Variants in CASK observed in about 807,000 individuals in gnomAD.
CASK encodes calcium/calmodulin dependent serine protein kinase.
A neutral mutation model predicts 82.9 loss-of-function variants in CASK; 4 were observed. The ratio of observed to expected loss-of-function variants is 0.05; its 90% CI spans 0.02 to 0.11. CASK has a LOEUF of 0.11. CASK is among the 10% of genes least tolerant of loss of function. The pLI is 1.00. For synonymous variants in CASK, 259 were observed against 253.5 expected (o/e 1.02, Z -0.20); for missense variants, 358 against 720.9 (o/e 0.50, Z 5.76).
At chrX:41,853,048 G>T in intron 2 of CASK, 67 bp downstream of exon 2, 2 of 736,350 alleles carry the variant, frequency 2.7e-6, no homozygotes, top group Non-Finnish European at 4.3e-6. Context: ...AGGTTAGGTT[G>T]GTAAATGGAT....
At chrX:41,635,864 T>G (rs5918214) in intron 9 of CASK, 7 of 105,336 alleles carry the variant, frequency 6.6e-5, no homozygotes, top group Non-Finnish European at 1.4e-4. Context: ...TGCTTTCTGA[T>G]AGTTGTTCAA....
intron 14 of CASK, among the ~76,000 whole-genome samples, chrX:41,579,867 A>G (rs1330649698): frequency 8.9e-6 from 1 of 112,324 alleles, no homozygotes. Flanking sequence ...CATAAAGAAG[A>G]TAATGCTGAT....
Position 41,696,531 on chromosome X carries a change from T to C in CASK, c.430-25001A>G, listed in dbSNP as rs751837594. On this transcript the variant is annotated intron_variant, in intron 5 of 26. Transcript: ENST00000378163. ...TTCACAGCTAAATGTATCATCTTGC[T>C]ACTGGAAAGAAATTGTTCACAAAAC... is the stretch of plus-strand genomic sequence containing the variant. 5 of 1,209,033 alleles carry C rather than the reference T, an allele frequency of 4.1e-6. No homozygotes were observed. The South Asian group carries it at 7.0e-5, about 17-fold the overall frequency.
chrX:41,851,795 T>G (rs2147968813), intron 2 of CASK, among the ~76,000 whole-genome samples: 1 of 111,916 alleles, frequency 8.9e-6, no homozygotes, highest in African/African-American at 3.2e-5. Context: ...GGAATCTTAC[T>G]AAGTTTATAA....
intron 5 of CASK, among the ~76,000 whole-genome samples, chrX:41,681,802 G>A (rs1484119021): frequency 1.8e-5 from 2 of 109,589 alleles, no homozygotes; most frequent in Admixed American, 9.8e-5. Context: ...AAAATTAGCC[G>A]GGCATGGTGG....
intron 14 of CASK, among the ~76,000 whole-genome samples, chrX:41,580,852 G>A (rs1002400682): frequency 6.2e-5 from 7 of 112,269 alleles, no homozygotes; most frequent in East Asian, 2.8e-4. Context: ...TTTTAACTAC[G>A]TAACAATCGT....
chrX:41,584,977 G>A (rs1430884483), intron 14 of CASK: 1 of 112,585 alleles, frequency 8.9e-6, no homozygotes, highest in Non-Finnish European at 1.9e-5. Flanking sequence ...AATGAGATAA[G>A]CTCAATGAGA....
chrX:41,663,007 T>C (rs1361799522), intron 7 of CASK, among the ~76,000 whole-genome samples: 3 of 108,797 alleles, frequency 2.8e-5, no homozygotes, highest in Non-Finnish European at 5.7e-5. Context: ...TTGGCTAATT[T>C]TTGTACTCTT....
intron 25 of CASK, among the ~76,000 whole-genome samples, chrX:41,526,856 T>G (rs937315518): frequency 1.8e-5 from 2 of 111,552 alleles, no homozygotes; most frequent in Admixed American, 9.5e-5. Context: ...CTGATTGAGA[T>G]TTTCCTGTCT....
At chrX:41,548,839 G>C (rs5918199) in intron 21 of CASK, among the ~76,000 whole-genome samples, 17,212 of 111,686 alleles carry the variant, frequency 0.15, 1,008 homozygotes, top group Middle Eastern at 0.18. Context: ...CAAAAATACA[G>C]GTTCCCAGGA....
chrX:41,696,590 T>C (rs756069075), intron 5 of CASK: 3 of 1,209,440 alleles, frequency 2.5e-6, no homozygotes, highest in South Asian at 3.5e-5. Flanking sequence ...CATCTTTCAA[T>C]AGTTGCTTAG....
chrX:41,547,254 T>C (rs915280111), intron 21 of CASK, among the ~76,000 whole-genome samples: 1 of 112,272 alleles, frequency 8.9e-6, no homozygotes, highest in South Asian at 3.6e-4. Flanking sequence ...CACCTTATCA[T>C]AGATTATTTT....
At chrX:41,697,890 C>G (rs982114400) in intron 5 of CASK, 4 of 110,680 alleles carry the variant, frequency 3.6e-5, no homozygotes, top group Non-Finnish European at 5.7e-5. Context: ...CAACCTCCAC[C>G]TCCCACGTTC....
chrX:41,645,349 A>C (rs1320159794), intron 8 of CASK, among the ~76,000 whole-genome samples: 1 of 111,758 alleles, frequency 8.9e-6, no homozygotes, highest in African/African-American at 3.2e-5. Flanking sequence ...CCTTAAACGA[A>C]GGCAAGCCAG....
chrX:41,841,306 T>C (rs2071033513), intron 2 of CASK, among the ~76,000 whole-genome samples: 1 of 111,396 alleles, frequency 9.0e-6, no homozygotes, highest in Non-Finnish European at 1.9e-5. Flanking sequence ...CCAATGACAC[T>C]GAATATCTTT....
intron 5 of CASK, chrX:41,683,142 A>T (rs2067389842): frequency 9.0e-6 from 1 of 111,087 alleles, no homozygotes; most frequent in South Asian, 3.8e-4. Flanking sequence ...TGTTATGTTG[A>T]CATTATTTAA....
intron 12 of CASK, among the ~76,000 whole-genome samples, chrX:41,594,669 A>G (rs928899851): frequency 1.8e-5 from 2 of 112,239 alleles, no homozygotes; most frequent in Non-Finnish European, 3.8e-5. Context: ...CCATGAGTCA[A>G]GGAGACACTG....
chrX:41,657,928 C>A (rs1235342729), intron 8 of CASK, among the ~76,000 whole-genome samples: 1 of 111,425 alleles, frequency 9.0e-6, no homozygotes, highest in Non-Finnish European at 1.9e-5. Context: ...AGGGTTGGGA[C>A]TTTCAGCCCC....
chrX:41,750,847 C>G lies in CASK; in HGVS notation c.279-5246G>C, dbSNP rs2068775774. On this transcript the variant is annotated intron_variant, in intron 3 of 26. Coordinates refer to ENST00000378163, the MANE Select transcript of CASK (RefSeq NM_001367721.1). Reference sequence around the variant, plus strand: ...ACAGGATTATCTGGAGTTGAAGGCACAAAATCACGTGCTATGATTTCACAG... The same window carrying G: ...ACAGGATTATCTGGAGTTGAAGGCAGAAAATCACGTGCTATGATTTCACAG... 5.4e-5 allele frequency among the ~76,000 whole-genome samples: 6 copies of G among 111,755 alleles called. No individual in the cohort carries two copies. The South Asian group carries it at 2.2e-3, about 41-fold the overall frequency.
Sources: gnomAD v4.1 joint callset for allele counts (sites outside exome capture counted in the v4.1 genomes callset) on GRCh38, gnomAD v4.1.1 for gene constraint, MANE v1.5 for transcripts, NCBI Gene and HGNC (gene_info 2026-07-23, HGNC 2026-07-21) for gene names.